Variants in ANKS1B observed in about 807,000 individuals in gnomAD.
ANKS1B encodes the protein ankyrin repeat and sterile alpha motif domain-containing protein 1B.
In ANKS1B, 36 loss-of-function variants were observed where a neutral mutation model predicts 148.3. The observed-to-expected ratio is 0.24, with a 90% CI of 0.19 to 0.32. ANKS1B has a LOEUF of 0.32. Ranked by LOEUF, ANKS1B falls within the 10% of genes least tolerant of loss-of-function variation. The pLI is 1.00. For missense variants in ANKS1B, 1,157 were observed against 1,542.6 expected (o/e 0.75, Z 4.19); for synonymous variants, 542 against 560.8 (o/e 0.97, Z 0.47).
chr12:99,444,720 AAAAAT>A (rs1293739297), intron 10 of ANKS1B, among the ~76,000 whole-genome samples: 2 of 152,120 alleles, frequency 1.3e-5, no homozygotes, highest in African/African-American at 4.8e-5. Flanking sequence ...CAAAAAAATA[AAAAAT>A]AAAAAGTTTA....
At chr12:99,966,839 A>G (rs1488725) in intron 1 of ANKS1B, among the ~76,000 whole-genome samples, 15,896 of 152,242 alleles carry the variant, frequency 0.1, 1,866 homozygotes, top group East Asian at 0.57. Context: ...CTTCCGTGGA[A>G]CACAATTTTT....
chr12:99,422,974 C>T (rs938330659), intron 11 of ANKS1B, among the ~76,000 whole-genome samples: 1 of 152,084 alleles, frequency 6.6e-6, no homozygotes, highest in African/African-American at 2.4e-5. Context: ...TGAAGAGGTT[C>T]AGAAAGGTTT....
At chr12:98,765,407 G>T (rs1170244466) in intron 25 of ANKS1B, among the ~76,000 whole-genome samples, 1 of 151,858 alleles carries the variant, frequency 6.6e-6, no homozygotes, top group Non-Finnish European at 1.5e-5. Flanking sequence ...GGGATTACAG[G>T]TGTGTACCAC....
rs2099276897 is a variant in ANKS1B at position 98,829,490 on chromosome 12, T to C, written c.2887-137A>G. ...GCAACAGCCAAGGAATGAATGACAT[T>C]CCACCACTTTATTAATGGCATGATC... On this transcript the variant is annotated intron_variant, in intron 18 of 26. Transcript: ENST00000683438. The surrounding 1 kb of genome is among the most constrained non-coding windows in gnomAD (Gnocchi z 5.2). 1 of 750,852 alleles carries C rather than the reference T, an allele frequency of 1.3e-6. No homozygotes were observed. 46.5% of individuals were successfully genotyped at this position (750,852 alleles called of 1,614,324 possible).
chr12:99,952,844 G>C (rs11110148), intron 1 of ANKS1B, among the ~76,000 whole-genome samples: 10,598 of 152,162 alleles, frequency 0.07, 428 homozygotes, highest in South Asian at 0.1. Flanking sequence ...TCTCTCTTCT[G>C]CTATCCCAAT....
intron 1 of ANKS1B, among the ~76,000 whole-genome samples, chr12:99,957,291 C>T (rs754020370): frequency 6.6e-6 from 1 of 152,174 alleles, no homozygotes; most frequent in African/African-American, 2.4e-5. Context: ...CTCCCCTTCA[C>T]CTTCCACCAC....
chr12:99,700,493 T>C (rs1208119648), intron 8 of ANKS1B, among the ~76,000 whole-genome samples: 1 of 152,164 alleles, frequency 6.6e-6, no homozygotes. Context: ...CAGTTTGAGG[T>C]GCAACAACAA....
At chr12:98,742,710 A>C (rs2097810265), downstream of ANKS1B, among the ~76,000 whole-genome samples, 1 of 152,268 alleles carries the variant, frequency 6.6e-6, no homozygotes, top group South Asian at 2.1e-4. Context: ...AGGCCTGAGC[A>C]AGTTCAAAGC....
chr12:99,065,107 T>C (rs1378975395), intron 16 of ANKS1B, among the ~76,000 whole-genome samples: 1 of 152,198 alleles, frequency 6.6e-6, no homozygotes, highest in Non-Finnish European at 1.5e-5. Context: ...ACTAGTGATG[T>C]GAACTATATT....
chr12:98,769,165 CTTT>C (rs1182264550), intron 25 of ANKS1B, among the ~76,000 whole-genome samples: 6 of 41,230 alleles, frequency 1.5e-4, no homozygotes, highest in Non-Finnish European at 1.7e-4. Flanking sequence ...GTCTTCTTTA[CTTT>C]TTTTTTTTTT....
chr12:99,952,246 T>C lies in ANKS1B; in HGVS notation c.134+31858A>G, dbSNP rs1032048666. 6.6e-5 allele frequency among the ~76,000 whole-genome samples: 10 copies of C among 152,270 alleles called. No individual in the cohort carries two copies. In the East Asian group the frequency reaches 1.9e-3, roughly 29 times the overall value. On this transcript the variant is annotated intron_variant, in intron 1 of 26. Transcript: ENST00000683438. Reference sequence around the variant, plus strand: ...GCATGGAACCCCTATTGGTCAGATCTTGGAAATGCTGAATTGATCCTCTAA... The same window carrying C: ...GCATGGAACCCCTATTGGTCAGATCCTGGAAATGCTGAATTGATCCTCTAA...
At chr12:98,736,473 G>A (rs1235762568) in intron 9 of ANKS1B, among the ~76,000 whole-genome samples, 5 of 152,202 alleles carry the variant, frequency 3.3e-5, no homozygotes, top group African/African-American at 7.2e-5. Flanking sequence ...CTTTGCGGAC[G>A]CGGTAAGTTT....
At chr12:98,996,580 C>T (rs1037776512) in intron 17 of ANKS1B, among the ~76,000 whole-genome samples, 2 of 151,774 alleles carry the variant, frequency 1.3e-5, no homozygotes, top group African/African-American at 4.8e-5. Flanking sequence ...TTTGGGAGGT[C>T]GAGGCAGGTG....
chr12:99,174,771 T>C (rs2078179255), intron 14 of ANKS1B, among the ~76,000 whole-genome samples: 1 of 152,190 alleles, frequency 6.6e-6, no homozygotes, highest in African/African-American at 2.4e-5. Flanking sequence ...TATGCCCCTT[T>C]ATATTTTACA....
chr12:98,913,002 C>T (rs1244285782), intron 17 of ANKS1B, among the ~76,000 whole-genome samples: 1 of 152,190 alleles, frequency 6.6e-6, no homozygotes, highest in African/African-American at 2.4e-5. Context: ...TTAGACAGGA[C>T]ATGTGCTTTT....
At chr12:99,590,609 A>C (rs543493005) in intron 9 of ANKS1B, among the ~76,000 whole-genome samples, 1 of 152,270 alleles carries the variant, frequency 6.6e-6, no homozygotes, top group East Asian at 1.9e-4. Flanking sequence ...AGGAGGTTTG[A>C]AAACTTTTTT....
At chr12:98,931,444 G>A (rs780741359) in intron 17 of ANKS1B, among the ~76,000 whole-genome samples, 16 of 152,062 alleles carry the variant, frequency 1.1e-4, no homozygotes, top group Admixed American at 3.9e-4. Flanking sequence ...ATACAATAAG[G>A]CAACTGAATA....
At chr12:99,623,376 A>G (rs757752594) in intron 9 of ANKS1B, among the ~76,000 whole-genome samples, 3 of 151,986 alleles carry the variant, frequency 2.0e-5, no homozygotes, top group Non-Finnish European at 4.4e-5. Flanking sequence ...CACCACCCCT[A>G]TTCAACATAG....
chr12:99,151,854 A>G (rs1486335431), intron 15 of ANKS1B, among the ~76,000 whole-genome samples: 2 of 152,194 alleles, frequency 1.3e-5, no homozygotes, highest in African/African-American at 4.8e-5. Context: ...GTTTCAACCA[A>G]CATTAATTAT....
Sources: gnomAD v4.1 joint callset for allele counts (sites outside exome capture counted in the v4.1 genomes callset) on GRCh38, gnomAD v4.1.1 for gene constraint, Gnocchi (gnomAD v3.1) non-coding constraint, MANE v1.5 for transcripts, NCBI Gene and HGNC (gene_info 2026-07-23, HGNC 2026-07-21) for gene names.